The following KLC3 variants were observed in gnomAD, a reference collection of about 807,000 sequenced individuals.
The protein encoded by KLC3 is kinesin light chain 2.
In KLC3, 72 loss-of-function variants were observed where a neutral mutation model predicts 62.9. The ratio of observed to expected loss-of-function variants is 1.15; its 90% confidence interval spans 0.95 to 1.39. The LOEUF is 1.39. KLC3 is among the 40% of genes most tolerant of loss of function. The pLI, the probability that KLC3 is intolerant of heterozygous loss-of-function variation, is 0.00. For synonymous variants in KLC3, 377 were observed against 300.5 expected (o/e 1.25, Z -2.63); for missense variants, 848 against 691.6 (o/e 1.23, Z -2.54).
chr19:45,349,704 G>GGCCCCCCCCC, intron 8 of KLC3, 102 bp downstream of exon 8: 2 of 815,756 alleles, frequency 2.5e-6, no homozygotes, highest in Non-Finnish European at 3.6e-6. Context: ...GGTGGGGGGG[G>GGCCCCCCCCC]GCCCCCCAGG....
intron 1 of KLC3, among the ~76,000 whole-genome samples, chr19:45,341,820 T>C (rs926239812): frequency 1.3e-5 from 2 of 150,660 alleles, no homozygotes; most frequent in African/African-American, 4.9e-5. Flanking sequence ...AACTAGAGGG[T>C]GTGTGATCTG....
At chr19:45,349,640 G>A (rs767520055) in intron 8 of KLC3, 38 bp downstream of exon 8, 2 of 1,560,124 alleles carry the variant, frequency 1.3e-6, no homozygotes, top group Non-Finnish European at 8.7e-7. Flanking sequence ...CAAGAGTGGA[G>A]GGTCCTGCCC....
In KLC3 at chr19:45,347,063, C is replaced by G. The variant is rs542341752; in HGVS notation, c.489+289C>G. 4 of 460,212 alleles carry G rather than the reference C, an allele frequency of 8.7e-6. No homozygotes were observed. In the South Asian group the frequency reaches 1.2e-4, roughly 14 times the overall value. The allele number at this position is 460,212 out of a possible 1,614,324, so 28.5% of individuals were successfully genotyped here. On this transcript the variant is annotated intron_variant, in intron 3 of 12. Coordinates refer to ENST00000391946, the MANE Select transcript of KLC3 (RefSeq NM_177417.3). ...CACCTCCCTCAAACCTTGAGATAGGCTGGGTGCGGTGGCTCACGCCTGTAA... is the reference window on the plus strand; with the variant it reads ...CACCTCCCTCAAACCTTGAGATAGGGTGGGTGCGGTGGCTCACGCCTGTAA...
chr19:45,350,772 G>A (rs1971711079), intron 11 of KLC3, 25 bp downstream of exon 11: 1 of 1,590,956 alleles, frequency 6.3e-7, no homozygotes, highest in Non-Finnish European at 8.6e-7. Flanking sequence ...GGTCGGCAAA[G>A]AGCCCTGACA....
Position 45,348,814 on chromosome 19 carries a change from C to G in KLC3, c.868-6C>G, listed in dbSNP as rs759168088. ...TCCCTGACCTGTGCCTCCCCCAACC[C>G]CGCAGGTGGCCGCCACGCTCAACAA... is the stretch of plus-strand genomic sequence containing the variant. On this transcript the variant is annotated splice_polypyrimidine_tract_variant and splice_region_variant and intron_variant, in intron 6 of 12. Coordinates refer to ENST00000391946, the MANE Select transcript of KLC3 (RefSeq NM_177417.3). 6.4e-7 allele frequency: 1 copy of G among 1,563,194 alleles called. No homozygotes were observed.
intron 7 of KLC3, 85 bp downstream of exon 7, chr19:45,349,006 T>C (rs958420279): frequency 1.4e-5 from 17 of 1,217,012 alleles, no homozygotes; most frequent in Admixed American, 2.1e-5. Flanking sequence ...ATCGTGACCC[T>C]GACCCTCGGG....
At chr19:45,346,826 C>A in intron 3 of KLC3, 52 bp downstream of exon 3, 1 of 1,470,438 alleles carries the variant, frequency 6.8e-7, no homozygotes, top group Non-Finnish European at 9.2e-7. Context: ...TAGAGCCCCA[C>A]AGTCCCCCAG....
In KLC3 at chr19:45,346,802, T is replaced by C. The variant is rs747234958; in HGVS notation, c.489+28T>C. The stretch of plus-strand genomic sequence containing the variant: ...GCCACGGGCAGGGCGAGGCGGGGGG[T>C]GCTGGGCCCTTCATAGAGCCCCACA... On this transcript the variant is annotated intron_variant, in intron 3 of 12. Coordinates refer to ENST00000391946, the MANE Select transcript of KLC3 (RefSeq NM_177417.3). 7 of 1,488,542 alleles carry C rather than the reference T, an allele frequency of 4.7e-6. No homozygotes were observed. The South Asian group carries it at 8.6e-5, about 18-fold the overall frequency. The allele number at this position is 1,488,542 out of a possible 1,614,324, so 92.2% of individuals were successfully genotyped here.
intron 4 of KLC3, 96 bp downstream of exon 4, chr19:45,347,612 G>A: frequency 6.1e-6 from 7 of 1,146,560 alleles, no homozygotes; most frequent in Non-Finnish European, 7.6e-6. Flanking sequence ...CCAGGGGATG[G>A]GGAGGTGAGG....
Position 45,346,647 on chromosome 19 carries a change from A to C in KLC3, c.362A>C (p.Glu121Ala). Residue 121 changes from glutamate to alanine, a missense_variant, in exon 3 of 13, where the codon GAG becomes GCG. Glu to Ala is a moderately radical substitution (Grantham distance 107). Coordinates refer to ENST00000391946, the MANE Select transcript of KLC3 (RefSeq NM_177417.3). ...RLAQENVWLR[E>A]ELEETQRRLR... ...GCCCAGGAGAACGTGTGGCTGCGGG[A>C]GGAACTGGAGGAGACGCAGCGGCGG... 1.3e-6 allele frequency: 2 copies of C among 1,555,758 alleles called. No individual in the cohort carries two copies. Among genetic ancestry groups the C allele is most frequent in the Non-Finnish European group, 1.7e-6 (2 of 1,150,342 alleles).
chr19:45,342,870 T>C (rs139331441), intron 1 of KLC3, among the ~76,000 whole-genome samples: 6 of 152,340 alleles, frequency 3.9e-5, no homozygotes, highest in African/African-American at 1.4e-4. Context: ...AAGTCTGTGG[T>C]GCACAAAACG....
Position 45,347,521 on chromosome 19 carries a change from G to A in KLC3, c.559+5G>A, listed in dbSNP as rs756475228. The A allele has an allele frequency of 3.7e-6, 6 of 1,609,518 alleles. No homozygotes were observed. The highest frequency in any genetic ancestry group is 5.1e-6 in the Non-Finnish European group (6 of 1,178,124). ...GCGAGGAGGAGGAGAGGAAAGGTGG[G>A]TGTTGGGAGTACATGCCACAGAGGA... is the stretch of plus-strand genomic sequence containing the variant. On this transcript the variant is annotated splice_donor_5th_base_variant and intron_variant, in intron 4 of 12. Transcript: ENST00000391946.
At chr19:45,350,904 G>A in intron 11 of KLC3, 50 bp from the exon 12 acceptor site, 1 of 1,591,634 alleles carries the variant, frequency 6.3e-7, no homozygotes, top group Admixed American at 1.7e-5. Context: ...CCTCGTGGAG[G>A]GGGGCCACTC....
chr19:45,345,488 C>G (rs996576730), intron 1 of KLC3, 46 bp from the exon 2 acceptor site: 1 of 1,550,240 alleles, frequency 6.5e-7, no homozygotes, highest in African/African-American at 1.4e-5. Flanking sequence ...GGCCAACTGA[C>G]TGGCCCGGGC....
Position 45,349,574 on chromosome 19 carries a change from C to A in KLC3, c.1115C>A (p.Pro372His). Residue 372 changes from proline to histidine, a missense_variant, in exon 8 of 13, where the codon CCC becomes CAC. Coordinates refer to ENST00000391946, the MANE Select transcript of KLC3 (RefSeq NM_177417.3). ...GAGGCACTGGGCGGGCCCCATGACC[C>A]CAACGTGGCCAAGACCAAGAACAAC... The part of the protein sequence containing the change: ...IYEALGGPHD[P>H]NVAKTKNNLA... The A allele has an allele frequency of 6.2e-7, 1 of 1,612,970 alleles. No individual in the cohort carries two copies. Among genetic ancestry groups the A allele is most frequent in the Non-Finnish European group, 8.5e-7 (1 of 1,179,326 alleles).
Position 45,347,994 on chromosome 19 carries a change from G to T in KLC3, c.613G>T (p.Ala205Ser), listed in dbSNP as rs186054339. 409 of 1,608,894 alleles carry T rather than the reference G, an allele frequency of 2.5e-4. 4 individuals are homozygous for T. In the East Asian group the frequency reaches 7.7e-3, roughly 30 times the overall value. Residue 205 changes from alanine to serine, a missense_variant, in exon 5 of 13, where the codon GCC (alanine) becomes TCC (serine). Ala to Ser is a moderately conservative substitution (Grantham distance 99, BLOSUM62 1). Transcript: ENST00000391946. The stretch of plus-strand genomic sequence containing the variant: ...TCAGCAGGGTGGCTATGAGATCCCT[G>T]CCCGCCTTCGGACCCTGCATAACCT... ...AAQQGGYEIP[A>S]RLRTLHNLVI...
At chr19:45,349,294 C>A in intron 7 of KLC3, 135 bp from the exon 8 acceptor site, 1 of 871,604 alleles carries the variant, frequency 1.1e-6, no homozygotes, top group Non-Finnish European at 1.7e-6. Flanking sequence ...TAACTTGTGT[C>A]CCCAGCCCCC....
intron 5 of KLC3, 60 bp from the exon 6 acceptor site, chr19:45,348,586 G>C (rs1971569172): frequency 2.0e-6 from 3 of 1,508,016 alleles, no homozygotes; most frequent in Non-Finnish European, 2.7e-6. Flanking sequence ...CCCAGCCCCT[G>C]TGGCTGCAGC....
At chr19:45,349,874 G>T (rs1449045411) in intron 8 of KLC3, 10 of 488,258 alleles carry the variant, frequency 2.0e-5, no homozygotes, top group African/African-American at 1.2e-4. Context: ...ACTGTGGCCG[G>T]CTCCCCTCTT....
Sources: allele counts gnomAD v4.1 joint callset (sites outside exome capture counted in the v4.1 genomes callset), GRCh38; gene constraint gnomAD v4.1.1; transcripts MANE v1.5; gene names NCBI Gene and HGNC (gene_info 2026-07-23, HGNC 2026-07-21).